The following PTPRD variants were observed in gnomAD, a reference collection of about 807,000 sequenced individuals.
PTPRD encodes receptor-type tyrosine-protein phosphatase delta.
PTPRD carries 34 observed loss-of-function variants against 214.5 expected under a neutral mutation model. The ratio of observed to expected loss-of-function variants is 0.16; its 90% confidence interval spans 0.12 to 0.21. The LOEUF is 0.21. PTPRD is among the 10% of genes least tolerant of loss of function. The pLI is 1.00. For synonymous variants in PTPRD, 1,128 were observed against 845.7 expected (o/e 1.33, Z -5.79); for missense variants, 2,545 against 2,398.7 (o/e 1.06, Z -1.27).
intron 2 of PTPRD, among the ~76,000 whole-genome samples, chr9:10,490,472 C>T (rs1221784462): frequency 6.6e-6 from 1 of 152,098 alleles, no homozygotes; most frequent in Non-Finnish European, 1.5e-5. Context: ...CTATTACATG[C>T]CCTACTTTTA....
chr9:9,427,741 G>C (rs569359594), intron 8 of PTPRD, among the ~76,000 whole-genome samples: 1 of 152,314 alleles, frequency 6.6e-6, no homozygotes, highest in South Asian at 2.1e-4. Context: ...AGCCAGAAGA[G>C]AGTGGGGGCC....
In PTPRD at chr9:9,182,607, A is replaced by T. The variant is rs1219093208; in HGVS notation, c.-143+697T>A. 3.3e-5 allele frequency among the ~76,000 whole-genome samples: 5 copies of T among 152,134 alleles called. No individual in the cohort carries two copies. In the South Asian group the frequency reaches 1.0e-3, roughly 32 times the overall value. Reference sequence around the variant, plus strand: ...TTGTAGGATTAGAAACACACTATTAAACTGCAATGGGTGAGGAAAAAATGT... The same window carrying T: ...TTGTAGGATTAGAAACACACTATTATACTGCAATGGGTGAGGAAAAAATGT... On this transcript the variant is annotated intron_variant, in intron 10 of 45. Transcript: ENST00000381196.
rs1488736533 is a variant in PTPRD at position 8,827,924 on chromosome 9, T to A, written c.-103-93978A>T. ...AAATATCTACATTTTTATATTAATATAATATCTCAAAGCACATTTAATTAG... is the reference window on the plus strand; with the variant it reads ...AAATATCTACATTTTTATATTAATAAAATATCTCAAAGCACATTTAATTAG... On this transcript the variant is annotated intron_variant, in intron 11 of 45. Transcript: ENST00000381196. Among the ~76,000 whole-genome samples the A allele has an allele frequency of 7.9e-5, 12 of 152,274 alleles. No homozygotes were observed. In the East Asian group the frequency reaches 9.7e-4, roughly 12 times the overall value.
chr9:10,206,089 C>A (rs148710975), intron 3 of PTPRD, among the ~76,000 whole-genome samples: 1 of 145,394 alleles, frequency 6.9e-6, no homozygotes. Context: ...TCACAGAGCG[C>A]GTGAAGCTTT....
At chr9:9,543,366 A>C (rs759575148) in intron 8 of PTPRD, among the ~76,000 whole-genome samples, 1 of 151,798 alleles carries the variant, frequency 6.6e-6, no homozygotes, top group Middle Eastern at 3.4e-3. Context: ...ATGTTCTATA[A>C]TTTGCTTCAT....
chr9:10,525,555 T>C (rs1405915872), intron 2 of PTPRD, among the ~76,000 whole-genome samples: 2 of 152,168 alleles, frequency 1.3e-5, no homozygotes, highest in Non-Finnish European at 2.9e-5. Context: ...TTGATGTTAT[T>C]TGCTTCTTGC....
At chr9:9,080,839 T>G (rs1473342739) in intron 10 of PTPRD, among the ~76,000 whole-genome samples, 1 of 152,180 alleles carries the variant, frequency 6.6e-6, no homozygotes, top group African/African-American at 2.4e-5. Context: ...GGATCAGTGG[T>G]GATATCCCCT....
At chr9:10,476,245 A>G (rs181427283) in intron 2 of PTPRD, among the ~76,000 whole-genome samples, 2 of 152,192 alleles carry the variant, frequency 1.3e-5, no homozygotes, top group Non-Finnish European at 2.9e-5. Context: ...CCATAGTCTC[A>G]GCCCAAAAAC....
intron 2 of PTPRD, among the ~76,000 whole-genome samples, chr9:10,593,645 T>C (rs887437168): frequency 1.3e-5 from 2 of 152,002 alleles, no homozygotes; most frequent in East Asian, 1.9e-4. Flanking sequence ...TTAATATATA[T>C]GACAGACTTC....
intron 34 of PTPRD, among the ~76,000 whole-genome samples, chr9:8,445,308 G>A (rs1001750629): frequency 7.9e-5 from 12 of 152,096 alleles, no homozygotes; most frequent in African/African-American, 1.2e-4. Context: ...GGTAGCTCAT[G>A]TTGTCTCAAA....
chr9:9,579,422 T>C (rs2090056533), intron 7 of PTPRD, among the ~76,000 whole-genome samples: 1 of 152,186 alleles, frequency 6.6e-6, no homozygotes, highest in Non-Finnish European at 1.5e-5. Context: ...GTTGAGTTTT[T>C]AAAATAATTA....
intron 10 of PTPRD, among the ~76,000 whole-genome samples, chr9:9,063,430 A>C (rs1446960432): frequency 6.6e-6 from 1 of 152,166 alleles, no homozygotes; most frequent in Non-Finnish European, 1.5e-5. Flanking sequence ...CTCACAGGTG[A>C]CTTAGGATAA....
Position 9,706,843 on chromosome 9 carries a change from G to A in PTPRD, c.-287+27690C>T, listed in dbSNP as rs2097625366. Among the ~76,000 whole-genome samples, 4 of 152,112 alleles carry A rather than the reference G, an allele frequency of 2.6e-5. No individual in the cohort carries two copies. In the South Asian group the frequency reaches 8.3e-4, roughly 32 times the overall value. ...AAAGCCTGTTTGGGGTGGGAATGGG[G>A]CGAGGTAGGTAGTGCTGCTGGAGGA... On this transcript the variant is annotated intron_variant, in intron 7 of 45. Coordinates refer to ENST00000381196, the MANE Select transcript of PTPRD (RefSeq NM_002839.4).
chr9:10,603,496 T>C (rs1213014079), intron 2 of PTPRD, among the ~76,000 whole-genome samples: 1 of 151,910 alleles, frequency 6.6e-6, no homozygotes, highest in Admixed American at 6.6e-5. Flanking sequence ...TCTAGATAAC[T>C]GTAGCATTTA....
intron 8 of PTPRD, among the ~76,000 whole-genome samples, chr9:9,399,649 C>T (rs891556858): frequency 5.9e-5 from 9 of 151,862 alleles, no homozygotes; most frequent in South Asian, 4.2e-4. Flanking sequence ...TCATGGGGGG[C>T]GGGTCTTTCC....
At chr9:8,733,118 G>C (rs2098678016) in intron 12 of PTPRD, among the ~76,000 whole-genome samples, 3 of 152,152 alleles carry the variant, frequency 2.0e-5, no homozygotes. Context: ...AGGAAGATGT[G>C]ATCTTCTCAT....
At chr9:8,717,696 A>C (rs1016937964) in intron 12 of PTPRD, among the ~76,000 whole-genome samples, 4 of 152,184 alleles carry the variant, frequency 2.6e-5, no homozygotes, top group African/African-American at 9.7e-5. Context: ...TGTTTTTATT[A>C]AATTAGTTGG....
intron 3 of PTPRD, among the ~76,000 whole-genome samples, chr9:10,273,433 T>A (rs1040722428): frequency 6.6e-6 from 1 of 152,086 alleles, no homozygotes; most frequent in African/African-American, 2.4e-5. Context: ...CCAACTACAT[T>A]AGATATGGTA....
At chr9:9,491,810 C>A (rs751018971) in intron 8 of PTPRD, among the ~76,000 whole-genome samples, 17 of 151,704 alleles carry the variant, frequency 1.1e-4, no homozygotes, top group Admixed American at 2.6e-4. Context: ...AGAAAAAAAT[C>A]AACTCAACAA....
Sources: allele counts gnomAD v4.1 joint callset (sites outside exome capture counted in the v4.1 genomes callset), GRCh38; gene constraint gnomAD v4.1.1; transcripts MANE v1.5; gene names NCBI Gene and HGNC (gene_info 2026-07-23, HGNC 2026-07-21).